The following CSMD1 variants were observed in gnomAD, a reference collection of about 807,000 sequenced individuals.
CSMD1 encodes CUB and Sushi multiple domains 1.
CSMD1 carries 213 observed loss-of-function variants against 417.5 expected under a neutral mutation model. The observed-to-expected ratio is 0.51, with a 90% CI of 0.46 to 0.57. The LOEUF is 0.57. Ranked by LOEUF, CSMD1 falls within the 20% of genes least tolerant of loss-of-function variation. The pLI is 0.00. For synonymous variants in CSMD1, 2,862 were observed against 1,736.8 expected (o/e 1.65, Z -16.11); for missense variants, 6,923 against 4,529.7 (o/e 1.53, Z -15.17).
rs73658284 is a variant in CSMD1, at chr8:3,803,652, C to T, written c.819-49610G>A. On this transcript the variant is annotated intron_variant, in intron 5 of 69. Coordinates refer to ENST00000635120, the MANE Select transcript of CSMD1 (RefSeq NM_033225.6). ...TTGAGCCTGGAAGGAGAGGAGGGTT[C>T]ATAGAGGCCAGAGTGGCACCACGCA... 1.4e-3 allele frequency among the ~76,000 whole-genome samples: 212 copies of T among 152,198 alleles called. 1 individual carries two copies. The highest frequency in any genetic ancestry group is 4.3e-3 in the African/African-American group (180 of 41,548).
At chr8:3,851,076 T>C (rs1803873991) in intron 5 of CSMD1, among the ~76,000 whole-genome samples, 1 of 152,222 alleles carries the variant, frequency 6.6e-6, no homozygotes, top group Non-Finnish European at 1.5e-5. Context: ...ATATTTCAAA[T>C]CTATTTAGGT....
At chr8:3,169,369 T>A (rs1585541189) in intron 37 of CSMD1, among the ~76,000 whole-genome samples, 1 of 151,438 alleles carries the variant, frequency 6.6e-6, no homozygotes, top group South Asian at 2.1e-4. Flanking sequence ...AAGAAAACAA[T>A]GGAGTGAAAA....
intron 26 of CSMD1, among the ~76,000 whole-genome samples, chr8:3,280,365 G>T (rs866312689): frequency 6.6e-6 from 1 of 152,146 alleles, no homozygotes. Context: ...AGCATTAGAG[G>T]TCAAGATAGA....
At chr8:4,579,327 T>TACAA (rs1351027379) in intron 2 of CSMD1, among the ~76,000 whole-genome samples, 4 of 151,484 alleles carry the variant, frequency 2.6e-5, no homozygotes, top group Non-Finnish European at 5.9e-5. Context: ...TAAACATACA[T>TACAA]ACATACATAT....
intron 5 of CSMD1, among the ~76,000 whole-genome samples, chr8:3,853,931 T>C (rs1804105378): frequency 1.4e-5 from 2 of 146,800 alleles, no homozygotes; most frequent in Non-Finnish European, 3.0e-5. Context: ...AATATATTAA[T>C]ATATTAAAGT....
intron 2 of CSMD1, among the ~76,000 whole-genome samples, chr8:4,611,680 G>A (rs752309044): frequency 1.3e-5 from 2 of 152,034 alleles, no homozygotes; most frequent in Non-Finnish European, 2.9e-5. Context: ...CATTTACTGT[G>A]TGTTTTCATC....
chr8:3,390,676 C>A (rs934398161), intron 17 of CSMD1, among the ~76,000 whole-genome samples: 2 of 149,934 alleles, frequency 1.3e-5, no homozygotes, highest in Non-Finnish European at 3.0e-5. Context: ...TTCAATTGGT[C>A]TTTGCAAAAT....
At chr8:4,228,954 A>T (rs932796244) in intron 3 of CSMD1, among the ~76,000 whole-genome samples, 12 of 152,104 alleles carry the variant, frequency 7.9e-5, no homozygotes, top group African/African-American at 2.9e-4. Context: ...GGAGTGAGCC[A>T]CTGAGCCAAG....
At chr8:3,706,682 T>A (rs145938937) in intron 7 of CSMD1, among the ~76,000 whole-genome samples, 40 of 152,276 alleles carry the variant, frequency 2.6e-4, no homozygotes, top group Non-Finnish European at 4.7e-4. Flanking sequence ...CAACCTGATA[T>A]TGATTTAATG....
intron 1 of CSMD1, among the ~76,000 whole-genome samples, chr8:4,669,634 C>G (rs1440765072): frequency 6.6e-6 from 1 of 152,106 alleles, no homozygotes; most frequent in South Asian, 2.1e-4. Flanking sequence ...CTTTTTTTAA[C>G]CTTCCAACAA....
intron 3 of CSMD1, among the ~76,000 whole-genome samples, chr8:4,138,620 A>G (rs1803584799): frequency 7.4e-6 from 1 of 134,538 alleles, no homozygotes; most frequent in Non-Finnish European, 1.7e-5. Flanking sequence ...AAAAAATTAA[A>G]CAAAGGAAAA....
intron 3 of CSMD1, among the ~76,000 whole-genome samples, chr8:4,047,772 T>A (rs114258136): frequency 1.3e-5 from 2 of 151,952 alleles, no homozygotes; most frequent in Non-Finnish European, 2.9e-5. Context: ...TTGATAGGAA[T>A]AGGTAGAGAA....
intron 2 of CSMD1, among the ~76,000 whole-genome samples, chr8:4,600,477 T>A (rs955044513): frequency 3.9e-5 from 6 of 152,238 alleles, no homozygotes; most frequent in Non-Finnish European, 7.3e-5. Context: ...GAAGTCTGTT[T>A]ACAGATATAA....
intron 2 of CSMD1, among the ~76,000 whole-genome samples, chr8:4,439,203 A>T (rs947938304): frequency 6.6e-6 from 1 of 152,150 alleles, no homozygotes; most frequent in African/African-American, 2.4e-5. Flanking sequence ...AACACATTGC[A>T]AATTTCATTT....
chr8:4,155,240 A>C (rs1796769161), intron 3 of CSMD1, among the ~76,000 whole-genome samples: 1 of 152,172 alleles, frequency 6.6e-6, no homozygotes, highest in Non-Finnish European at 1.5e-5. Context: ...GCAAATGTTG[A>C]AAAGGGGCAG....
chr8:3,963,274 G>C (rs1355696791), intron 5 of CSMD1, among the ~76,000 whole-genome samples: 8 of 152,106 alleles, frequency 5.3e-5, no homozygotes, highest in Non-Finnish European at 1.2e-4. Context: ...ACGAGTTTGA[G>C]GAATGCATGA....
chr8:4,253,303 T>C (rs1450846220), intron 3 of CSMD1, among the ~76,000 whole-genome samples: 1 of 152,202 alleles, frequency 6.6e-6, no homozygotes, highest in East Asian at 1.9e-4. Context: ...CTCTTCAATA[T>C]TCATGTTTTG....
intron 2 of CSMD1, among the ~76,000 whole-genome samples, chr8:4,550,349 A>G (rs1225209313): frequency 6.6e-6 from 1 of 151,822 alleles, no homozygotes; most frequent in South Asian, 2.1e-4. Flanking sequence ...ACACACACAC[A>G]CACACACACA....
At chr8:4,057,444 G>C (rs909922608) in intron 3 of CSMD1, among the ~76,000 whole-genome samples, 2 of 152,270 alleles carry the variant, frequency 1.3e-5, no homozygotes, top group South Asian at 2.1e-4. Flanking sequence ...CCCTTTGTCA[G>C]ATGAGTAGGT....
Sources: gnomAD v4.1 joint callset for allele counts (sites outside exome capture counted in the v4.1 genomes callset) on GRCh38, gnomAD v4.1.1 for gene constraint, MANE v1.5 for transcripts, NCBI Gene and HGNC (gene_info 2026-07-23, HGNC 2026-07-21) for gene names.